SEMA3C: variants seen among roughly 807,000 people sequenced by gnomAD.
SEMA3C encodes semaphorin-3C.
In SEMA3C, 47 loss-of-function variants were observed where a neutral mutation model predicts 89.4. The observed-to-expected ratio is 0.53, with a 90% CI of 0.42 to 0.67. The LOEUF (loss-of-function observed/expected upper bound fraction) is 0.67. Among genes scored for constraint, SEMA3C ranks in the 30% least tolerant of loss-of-function variants. The pLI, the probability that SEMA3C is intolerant of heterozygous loss-of-function variation, is 0.00. For synonymous variants in SEMA3C, 310 were observed against 320.2 expected (o/e 0.97, Z 0.34); for missense variants, 839 against 929.1 (o/e 0.90, Z 1.26).
chr7:80,919,450 T>A, upstream of SEMA3C: 2 of 879,376 alleles, frequency 2.3e-6, no homozygotes, highest in Non-Finnish European at 2.7e-6. Context: ...AATATCAAAG[T>A]GCAAAGCAGT....
Position 80,765,233 on chromosome 7 carries a change from A to T in SEMA3C, c.1365T>A (p.Thr455=). ...HVLFLGTDRG[T]VQKVVVLPTN... ...TAGGAAGAACAACCACTTTTTGCAC[A>T]GTACCCCGATCTAAATTAAAAAAAG... Residue 455 remains threonine, a synonymous_variant, in exon 13 of 18, where the codon ACT becomes ACA. Transcript: ENST00000265361. 6.2e-7 allele frequency: 1 copy of T among 1,611,844 alleles called. No homozygotes were observed. Among genetic ancestry groups the T allele is most frequent in the African/African-American group, 1.3e-5 (1 of 74,966 alleles).
intron 2 of SEMA3C, among the ~76,000 whole-genome samples, chr7:80,872,957 T>C (rs1791105312): frequency 6.6e-6 from 1 of 150,870 alleles, no homozygotes; most frequent in African/African-American, 2.4e-5. Flanking sequence ...AGCCACATCT[T>C]ACTTTTGTTG....
At chr7:80,910,813 AT>A (rs1349878841) in intron 2 of SEMA3C, among the ~76,000 whole-genome samples, 1 of 150,958 alleles carries the variant, frequency 6.6e-6, no homozygotes, top group Non-Finnish European at 1.5e-5. Context: ...TCTCGGTGCC[AT>A]TTTTTTAATG....
At chr7:80,756,901 GTTA>G (rs1471228517) in intron 15 of SEMA3C, among the ~76,000 whole-genome samples, 4 of 152,038 alleles carry the variant, frequency 2.6e-5, no homozygotes, top group African/African-American at 7.2e-5. Flanking sequence ...CACAGATCGT[GTTA>G]TTATTTGATA....
chr7:80,829,211 C>A (rs1163940116), intron 2 of SEMA3C, among the ~76,000 whole-genome samples: 2 of 152,064 alleles, frequency 1.3e-5, no homozygotes, highest in South Asian at 2.1e-4. Flanking sequence ...TATATTTGTA[C>A]TGAAGTAAAA....
chr7:80,921,960 A>G (rs559694652), upstream of SEMA3C, among the ~76,000 whole-genome samples: 1 of 152,302 alleles, frequency 6.6e-6, no homozygotes, highest in African/African-American at 2.4e-5. Flanking sequence ...TCCCTATTAT[A>G]CAGATGAGTC....
At chr7:80,876,136 G>A in intron 2 of SEMA3C, among the ~76,000 whole-genome samples, 1 of 152,010 alleles carries the variant, frequency 6.6e-6, no homozygotes, top group Non-Finnish European at 1.5e-5. Context: ...GGGGTCTTTG[G>A]AACACATCCC....
chr7:80,757,341 T>A (rs958023278), intron 15 of SEMA3C, among the ~76,000 whole-genome samples: 6 of 152,254 alleles, frequency 3.9e-5, no homozygotes, highest in Non-Finnish European at 8.8e-5. Context: ...ATTCTGCATA[T>A]TCCTTTTCAA....
At chr7:80,825,265 T>G (rs1427379673) in intron 4 of SEMA3C, among the ~76,000 whole-genome samples, 2 of 152,178 alleles carry the variant, frequency 1.3e-5, no homozygotes, top group Non-Finnish European at 2.9e-5. Context: ...AGACATTCTT[T>G]TCTTGCACAG....
At position 80,818,339 on chromosome 7, in the gene SEMA3C, C is replaced by G. The variant is rs1186545686; in HGVS notation, c.407G>C (p.Ser136Thr). Residue 136 changes from serine (S) to threonine (T), a missense_variant, in exon 5 of 18, where the codon AGT becomes ACT. By Grantham distance (58) the Ser-to-Thr change is moderately conservative. Transcript: ENST00000265361. ...TCTGTTCAAGTAAGTACAGACAGGA[C>G]TGAAAGCGCCACTCCCACAGACATA... The part of the protein sequence containing the change: ...HLYVCGSGAF[S>T]PVCTYLNRGR... The G allele has an allele frequency of 6.2e-7, 1 of 1,613,472 alleles. No individual in the cohort carries two copies. The highest frequency in any genetic ancestry group is 1.7e-5 in the Admixed American group (1 of 60,008).
At chr7:80,791,936 T>C (rs1788949239) in intron 11 of SEMA3C, among the ~76,000 whole-genome samples, 1 of 152,194 alleles carries the variant, frequency 6.6e-6, no homozygotes, top group Non-Finnish European at 1.5e-5. Context: ...GAGACTTACT[T>C]TGACCAGTTA....
chr7:80,799,743 A>G (rs959786823), intron 10 of SEMA3C, among the ~76,000 whole-genome samples: 2 of 152,044 alleles, frequency 1.3e-5, no homozygotes, highest in Admixed American at 1.3e-4. Flanking sequence ...AATCCCAGCT[A>G]CTTAGGCGAC....
intron 2 of SEMA3C, among the ~76,000 whole-genome samples, chr7:80,852,913 C>T (rs1307156766): frequency 6.6e-6 from 1 of 151,940 alleles, no homozygotes; most frequent in Non-Finnish European, 1.5e-5. Context: ...CTCCTGACCT[C>T]GTGATCCGCC....
intron 4 of SEMA3C, among the ~76,000 whole-genome samples, chr7:80,820,746 T>G (rs1789727249): frequency 6.6e-6 from 1 of 152,164 alleles, no homozygotes; most frequent in Admixed American, 6.5e-5. Context: ...GATAACATGT[T>G]TCTGAAGAAA....
chr7:80,913,614 C>T (rs962843865), intron 2 of SEMA3C, among the ~76,000 whole-genome samples: 2 of 152,194 alleles, frequency 1.3e-5, no homozygotes, highest in East Asian at 1.9e-4. Flanking sequence ...CTTATATTCA[C>T]TTGCAAAGCT....
intron 2 of SEMA3C, among the ~76,000 whole-genome samples, chr7:80,867,164 A>G (rs7781373): frequency 0.099 from 15,120 of 152,262 alleles, 1,060 homozygotes; most frequent in African/African-American, 0.19. Flanking sequence ...ATGGTTGTAG[A>G]AAAAGACTTT....
At chr7:80,902,848 C>A (rs955167209) in intron 2 of SEMA3C, among the ~76,000 whole-genome samples, 7 of 152,148 alleles carry the variant, frequency 4.6e-5, no homozygotes, top group Non-Finnish European at 2.9e-5. Context: ...AACAGAACTG[C>A]CAGCCATTAG....
At position 80,818,383 on chromosome 7, in the gene SEMA3C, A is replaced by G; in HGVS notation, c.363T>C (p.Thr121=). 4 of 1,613,456 alleles carry G rather than the reference A, an allele frequency of 2.5e-6. No homozygotes were observed. The highest frequency in any genetic ancestry group is 1.7e-6 in the Non-Finnish European group (2 of 1,179,448). Reference sequence around the variant, plus strand: ...AGACATACAAATGTGTGCGATTGAAAGTCTGAATTACACGGACAAAGTTCC... The same window carrying G: ...AGACATACAAATGTGTGCGATTGAAGGTCTGAATTACACGGACAAAGTTCC... ...GCGNFVRVIQ[T]FNRTHLYVCG... The change falls in exon 5 of 18, where the codon ACT becomes ACC. Residue 121 remains threonine, a synonymous_variant. Coordinates refer to ENST00000265361, the MANE Select transcript of SEMA3C (RefSeq NM_006379.5).
chr7:80,828,557 A>T, intron 3 of SEMA3C, 28 bp downstream of exon 3: 4 of 1,568,080 alleles, frequency 2.6e-6, no homozygotes, highest in Non-Finnish European at 3.5e-6. Flanking sequence ...AAAGGTGGAC[A>T]CTGTCCTCGT....
Sources: allele counts gnomAD v4.1 joint callset (sites outside exome capture counted in the v4.1 genomes callset), GRCh38; gene constraint gnomAD v4.1.1; transcripts MANE v1.5; gene names NCBI Gene and HGNC (gene_info 2026-07-23, HGNC 2026-07-21).